Variants in TMLHE observed in about 807,000 individuals in gnomAD.
The protein encoded by TMLHE is trimethyllysine hydroxylase, epsilon, also known as trimethyllysine dioxygenase, mitochondrial.
TMLHE carries 18 observed loss-of-function variants against 25.7 expected under a neutral mutation model. The ratio of observed to expected loss-of-function variants is 0.70; its 90% CI spans 0.48 to 1.04. The LOEUF is 1.04. Among genes scored for constraint, TMLHE ranks in the 50% least tolerant of loss-of-function variants. TMLHE has a pLI of 0.00. For missense variants in TMLHE, 236 were observed against 259.0 expected, an observed-to-expected ratio of 0.91 and a Z score of 0.61; for synonymous variants, 105 against 97.0, an observed-to-expected ratio of 1.08 and a Z score of -0.49.
At chrX:155,576,865 T>C (rs1329361736) in intron 1 of TMLHE, among the ~76,000 whole-genome samples, 1 of 111,611 alleles carries the variant, frequency 9.0e-6, no homozygotes, top group African/African-American at 3.3e-5. Context: ...CTCAAGATGG[T>C]TTCAAGACTT....
At chrX:155,518,353 C>A (rs1289725485) in intron 3 of TMLHE, among the ~76,000 whole-genome samples, 1 of 95,481 alleles carries the variant, frequency 1.0e-5, no homozygotes, top group East Asian at 3.4e-4. Flanking sequence ...ACCAGCCTTG[C>A]ATCCCAGGGA....
chrX:155,581,711 A>G (rs1167201702), intron 1 of TMLHE, among the ~76,000 whole-genome samples: 2 of 112,213 alleles, frequency 1.8e-5, no homozygotes, highest in Non-Finnish European at 3.8e-5. Flanking sequence ...ATGCTCATGG[A>G]CAGGAAGAAT....
At chrX:155,579,116 G>C (rs200198201) in intron 1 of TMLHE, among the ~76,000 whole-genome samples, 1 of 6,287 alleles carries the variant, frequency 1.6e-4, no homozygotes, top group Non-Finnish European at 1.7e-3. Flanking sequence ...GACAAAAATG[G>C]GGAAAAACAT....
chrX:155,605,028 A>G (rs2067778788), intron 1 of TMLHE, among the ~76,000 whole-genome samples: 1 of 111,354 alleles, frequency 9.0e-6, no homozygotes, highest in Non-Finnish European at 1.9e-5. Context: ...TCCAAACAAC[A>G]CTAGTTCCCC....
chrX:155,512,879 T>C (rs1557333953), intron 4 of TMLHE, among the ~76,000 whole-genome samples: 2 of 111,821 alleles, frequency 1.8e-5, no homozygotes, highest in Non-Finnish European at 1.9e-5. Flanking sequence ...ATCATATATT[T>C]TGATTTTGTA....
In TMLHE at chrX:155,554,117, C is replaced by T. The variant is rs1178780900; in HGVS notation, c.-1-8840G>A. 2.7e-5 allele frequency among the ~76,000 whole-genome samples: 3 copies of T among 110,031 alleles called. 1 individual carries two copies. Among genetic ancestry groups the T allele is most frequent in the African/African-American group, 1.0e-4 (3 of 29,973 alleles). On this transcript the variant is annotated intron_variant, in intron 1 of 7. Coordinates refer to ENST00000334398, the MANE Select transcript of TMLHE (RefSeq NM_018196.4). The stretch of plus-strand genomic sequence containing the variant: ...AAACTCCTGGGCTCAAGATCCTCAC[C>T]TCAGCCTCTTGAGTAGCTGGGACTA...
At chrX:155,575,152 C>T (rs1269602721) in intron 1 of TMLHE, among the ~76,000 whole-genome samples, 1 of 111,977 alleles carries the variant, frequency 8.9e-6, no homozygotes, top group African/African-American at 3.2e-5. Flanking sequence ...AGACCACTTT[C>T]CTTGGCTTGT....
chrX:155,606,354 T>C (rs2067786578), intron 1 of TMLHE, among the ~76,000 whole-genome samples: 1 of 111,299 alleles, frequency 9.0e-6, no homozygotes, highest in Admixed American at 9.5e-5. Context: ...CATAAGACAA[T>C]TCTCAGCAAA....
chrX:155,526,415 G>A (rs781995595), intron 2 of TMLHE, among the ~76,000 whole-genome samples: 5 of 112,947 alleles, frequency 4.4e-5, no homozygotes, highest in Admixed American at 9.2e-5. Flanking sequence ...GGGAACCTCC[G>A]CCTAGATTTC....
intron 1 of TMLHE, among the ~76,000 whole-genome samples, chrX:155,578,398 G>A (rs782347502): frequency 1.2e-4 from 13 of 111,487 alleles, no homozygotes; most frequent in Non-Finnish European, 2.1e-4. Context: ...CAGAGGCCTG[G>A]GGATCTCTCA....
intron 1 of TMLHE, among the ~76,000 whole-genome samples, chrX:155,546,876 A>G (rs1364347637): frequency 9.0e-6 from 1 of 111,348 alleles, no homozygotes; most frequent in Non-Finnish European, 1.9e-5. Flanking sequence ...AATGGATTTT[A>G]TATTTTTTAA....
intron 1 of TMLHE, among the ~76,000 whole-genome samples, chrX:155,548,596 GTGGTGGCACACACCTGTATT>G (rs2067382574): frequency 9.3e-6 from 1 of 107,429 alleles, no homozygotes; most frequent in Non-Finnish European, 1.9e-5. Flanking sequence ...TTAGCCGGGT[GTGGTGGCACACACCTGTATT>G]CCCAGCTACT....
chrX:155,511,705 G>A lies in TMLHE; in HGVS notation c.726C>T (p.His242=). ...GCTCTTGAAAATAGGTAGTGTCAGT[G>A]TGCCGATCCAGAGCTAGCTTGGTGT... is the stretch of plus-strand genomic sequence containing the variant. ...TAYTKLALDR[H]TDTTYFQEPC... Residue 242 remains histidine, a synonymous_variant, in exon 5 of 8, where the codon CAC becomes CAT. Coordinates refer to ENST00000334398, the MANE Select transcript of TMLHE (RefSeq NM_018196.4). 3 of 1,203,359 alleles carry A rather than the reference G, an allele frequency of 2.5e-6. No homozygotes were observed. Among genetic ancestry groups the A allele is most frequent in the Middle Eastern group, 2.3e-4 (1 of 4,309 alleles).
At chrX:155,574,135 T>C in intron 1 of TMLHE, among the ~76,000 whole-genome samples, 1 of 107,156 alleles carries the variant, frequency 9.3e-6, no homozygotes, top group Non-Finnish European at 1.9e-5. Flanking sequence ...TCCATAATGG[T>C]TGTAGAGAGC....
chrX:155,603,900 G>GA (rs112490750), intron 1 of TMLHE, among the ~76,000 whole-genome samples: 4 of 111,520 alleles, frequency 3.6e-5, no homozygotes, highest in African/African-American at 1.3e-4. Flanking sequence ...ATTGACAAAA[G>GA]AAAAAAAATA....
intron 2 of TMLHE, among the ~76,000 whole-genome samples, chrX:155,540,955 C>A (rs1416198442): frequency 1.8e-5 from 2 of 111,178 alleles, no homozygotes; most frequent in East Asian, 5.6e-4. Context: ...TTGCAGGATA[C>A]AAAAGCAATA....
chrX:155,553,274 A>C, intron 1 of TMLHE, among the ~76,000 whole-genome samples: 1 of 110,110 alleles, frequency 9.1e-6, no homozygotes, highest in Non-Finnish European at 1.9e-5. Flanking sequence ...TCAGTTACTA[A>C]GGGATATATT....
At position 155,569,658 on chromosome X, in the gene TMLHE, A is replaced by G. The variant is rs782382738; in HGVS notation, c.-1-24381T>C. ...TCTCTCGGCAGAAACCCTACAAGCCAGAAGAGAGTGGGGGCCAATATTCAA... is the reference window on the plus strand; with the variant it reads ...TCTCTCGGCAGAAACCCTACAAGCCGGAAGAGAGTGGGGGCCAATATTCAA... On this transcript the variant is annotated intron_variant, in intron 1 of 7. Coordinates refer to ENST00000334398, the MANE Select transcript of TMLHE (RefSeq NM_018196.4). Among the ~76,000 whole-genome samples, 70 of 55,601 alleles carry G rather than the reference A, an allele frequency of 1.3e-3. 18 individuals are homozygous for G. In the East Asian group the frequency reaches 0.016, roughly 13 times the overall value. The allele number at this position is 55,601 out of a possible 115,157, so 48.3% of individuals were successfully genotyped here.
intron 1 of TMLHE, among the ~76,000 whole-genome samples, chrX:155,554,554 CT>C (rs782723760): frequency 4.6e-5 from 5 of 109,814 alleles, no homozygotes. Flanking sequence ...GCTTTTAAGA[CT>C]TTTTTTTCTT....
Sources: allele counts gnomAD v4.1 joint callset (sites outside exome capture counted in the v4.1 genomes callset), GRCh38; gene constraint gnomAD v4.1.1; transcripts MANE v1.5; gene names NCBI Gene and HGNC (gene_info 2026-07-23, HGNC 2026-07-21).